Variants in TMTC2 observed in about 807,000 individuals in gnomAD.
The protein encoded by TMTC2 is protein O-mannosyl-transferase TMTC2.
A neutral mutation model predicts 82.4 loss-of-function variants in TMTC2; 43 were observed. That is an observed-to-expected ratio of 0.52 (90% confidence interval 0.41 to 0.67). TMTC2 has a LOEUF of 0.67. TMTC2 is among the 30% of genes least tolerant of loss of function. The pLI, the probability that TMTC2 is intolerant of heterozygous loss-of-function variation, is 0.00. For missense variants in TMTC2, 919 were observed against 1,012.4 expected, an observed-to-expected ratio of 0.91 and a Z score of 1.25; for synonymous variants, 408 against 381.9, an observed-to-expected ratio of 1.07 and a Z score of -0.80.
At chr12:83,070,983 G>T (rs958002574) in intron 11 of TMTC2, among the ~76,000 whole-genome samples, 3 of 152,110 alleles carry the variant, frequency 2.0e-5, no homozygotes, top group Non-Finnish European at 4.4e-5. Context: ...TTTATGTGGT[G>T]TATTACATTT....
chr12:83,084,297 C>A (rs1171805885), intron 11 of TMTC2, among the ~76,000 whole-genome samples: 1 of 152,136 alleles, frequency 6.6e-6, no homozygotes. Context: ...TATAGAAAAG[C>A]TGTATAACCC....
intron 1 of TMTC2, among the ~76,000 whole-genome samples, chr12:82,838,651 G>T (rs1870176411): frequency 1.3e-5 from 2 of 152,134 alleles, no homozygotes; most frequent in African/African-American, 4.8e-5. Flanking sequence ...TGAATCCATT[G>T]CCATTTGAAT....
intron 2 of TMTC2, among the ~76,000 whole-genome samples, chr12:82,894,534 T>C (rs1466907514): frequency 2.6e-5 from 4 of 152,328 alleles, no homozygotes; most frequent in East Asian, 3.9e-4. Flanking sequence ...CTGAATGTCA[T>C]TGAGTAAGAC....
chr12:82,805,454 A>G (rs1028421338), intron 1 of TMTC2, among the ~76,000 whole-genome samples: 1 of 145,366 alleles, frequency 6.9e-6, no homozygotes. Context: ...GAACCTCTAC[A>G]TTACTTTTTA....
chr12:82,958,395 C>T (rs1343645805), intron 4 of TMTC2, among the ~76,000 whole-genome samples: 1 of 144,332 alleles, frequency 6.9e-6, no homozygotes, highest in Non-Finnish European at 1.5e-5. Context: ...AAACTACTGA[C>T]CAATATCCCT....
At chr12:82,795,107 C>A (rs980120882) in intron 1 of TMTC2, among the ~76,000 whole-genome samples, 1 of 151,814 alleles carries the variant, frequency 6.6e-6, no homozygotes, top group African/African-American at 2.4e-5. Flanking sequence ...GAGTTCGAGA[C>A]CAGCGTGGCC....
intron 1 of TMTC2, among the ~76,000 whole-genome samples, chr12:82,783,735 A>G (rs1878025742): frequency 6.6e-6 from 1 of 152,012 alleles, no homozygotes; most frequent in Non-Finnish European, 1.5e-5. Context: ...AAGGATCCTC[A>G]AGGGGGTGAT....
intron 4 of TMTC2, among the ~76,000 whole-genome samples, chr12:82,953,097 GACCACT>G (rs1877432463): frequency 6.6e-6 from 1 of 152,068 alleles, no homozygotes; most frequent in South Asian, 2.1e-4. Context: ...GTTTTGGTTT[GACCACT>G]ACCTCCCTCA....
At chr12:82,784,791 A>G (rs1170845257) in intron 1 of TMTC2, among the ~76,000 whole-genome samples, 2 of 152,128 alleles carry the variant, frequency 1.3e-5, no homozygotes, top group African/African-American at 4.8e-5. Flanking sequence ...AGTTAACAGC[A>G]TATTAATTTT....
At chr12:82,939,035 G>T (rs1261350442) in intron 4 of TMTC2, among the ~76,000 whole-genome samples, 1 of 152,100 alleles carries the variant, frequency 6.6e-6, no homozygotes, top group East Asian at 1.9e-4. Flanking sequence ...ATTTTAAGTT[G>T]TTTATATTGG....
chr12:82,949,998 TAAGAA>T (rs780747871), intron 4 of TMTC2, among the ~76,000 whole-genome samples: 1 of 152,146 alleles, frequency 6.6e-6, no homozygotes, highest in African/African-American at 2.4e-5. Context: ...CATGTATAAA[TAAGAA>T]AAGAAGAGAA....
chr12:82,798,780 C>A (rs1276373845), intron 1 of TMTC2, among the ~76,000 whole-genome samples: 1 of 133,674 alleles, frequency 7.5e-6, no homozygotes, highest in African/African-American at 2.9e-5. Context: ...GCACTCCAGC[C>A]TGGGCAACAA....
intron 11 of TMTC2, among the ~76,000 whole-genome samples, chr12:83,097,621 G>A (rs1884073928): frequency 6.6e-6 from 1 of 152,148 alleles, no homozygotes; most frequent in African/African-American, 2.4e-5. Context: ...TTTTTATTCT[G>A]AGGGTAGAGA....
intron 3 of TMTC2, among the ~76,000 whole-genome samples, chr12:82,898,018 T>G (rs898041586): frequency 6.6e-6 from 1 of 152,210 alleles, no homozygotes; most frequent in African/African-American, 2.4e-5. Flanking sequence ...GGCATGCTTG[T>G]CTGATGAGCA....
chr12:82,935,990 C>G (rs549022850), intron 4 of TMTC2, among the ~76,000 whole-genome samples: 2 of 152,066 alleles, frequency 1.3e-5, no homozygotes, highest in African/African-American at 4.8e-5. Context: ...GGAAGATCAG[C>G]AGCTTTGGGT....
rs146488840 is a variant in TMTC2 at position 83,122,259 on chromosome 12, A to G, written c.2332-9951A>G. Among the ~76,000 whole-genome samples the G allele has an allele frequency of 6.8e-3, 1,038 of 151,636 alleles. 7 individuals are homozygous for G. Among genetic ancestry groups the G allele is most frequent in the African/African-American group, 0.024 (979 of 41,298 alleles). ...ATGCTACCCACCTCCCAGCTATGAA[A>G]GCAAGTGTCGCTTTCCTTCTTCCCC... On this transcript the variant is annotated intron_variant, in intron 11 of 11. Transcript: ENST00000321196.
chr12:83,080,732 T>G (rs1335756943), intron 11 of TMTC2, among the ~76,000 whole-genome samples: 2 of 152,216 alleles, frequency 1.3e-5, no homozygotes, highest in Admixed American at 1.3e-4. Flanking sequence ...GGACAGTTCT[T>G]GTCTAAAATA....
chr12:83,048,604 C>T lies in TMTC2; in HGVS notation c.2153-2300C>T, dbSNP rs117857969. Among the ~76,000 whole-genome samples, 920 of 152,216 alleles carry T rather than the reference C, an allele frequency of 6.0e-3. 27 individuals are homozygous for T. The East Asian group carries it at 0.067, about 11-fold the overall frequency. ...GAAAGTCTTTATAATCGTAGGCTTA[C>T]CTTTACTCAGCATTGTTTACTAACT... On this transcript the variant is annotated intron_variant, in intron 9 of 11. Coordinates refer to ENST00000321196, the MANE Select transcript of TMTC2 (RefSeq NM_152588.3).
At chr12:83,076,428 A>G (rs371909572) in intron 11 of TMTC2, among the ~76,000 whole-genome samples, 45 of 152,238 alleles carry the variant, frequency 3.0e-4, no homozygotes, top group African/African-American at 9.4e-4. Context: ...TATCTTTTGC[A>G]TGGAGTTATA....
Sources: gnomAD v4.1 joint callset for allele counts (sites outside exome capture counted in the v4.1 genomes callset) on GRCh38, gnomAD v4.1.1 for gene constraint, MANE v1.5 for transcripts, NCBI Gene and HGNC (gene_info 2026-07-23, HGNC 2026-07-21) for gene names.